Variants in IL20RA observed in about 807,000 individuals in gnomAD.
IL20RA encodes interleukin 20 receptor subunit alpha.
In IL20RA, 29 loss-of-function variants were observed where a neutral mutation model predicts 36.5. The ratio of observed to expected loss-of-function variants is 0.79; its 90% CI spans 0.59 to 1.08. The LOEUF (loss-of-function observed/expected upper bound fraction) is 1.08, where lower values mean the gene tolerates loss of function less well. Ranked by LOEUF, IL20RA falls within the 50% of genes least tolerant of loss-of-function variation. The probability of loss-of-function intolerance (pLI) is 0.00; values close to 1 mark genes in which losing one functional copy is unlikely to be tolerated. For synonymous variants in IL20RA, 279 were observed against 267.1 expected, an observed-to-expected ratio of 1.04 and a Z score of -0.43; for missense variants, 652 against 668.4, an observed-to-expected ratio of 0.98 and a Z score of 0.27.
chr6:137,033,013 G>A (rs1224880978), intron 1 of IL20RA, among the ~76,000 whole-genome samples: 2 of 152,186 alleles, frequency 1.3e-5, no homozygotes, highest in Admixed American at 1.3e-4. Context: ...AAGAGTCCAA[G>A]TCCCTTGTAT....
intron 2 of IL20RA, among the ~76,000 whole-genome samples, 164 bp from the exon 3 acceptor site, chr6:137,011,616 T>G (rs184335342): frequency 1.3e-5 from 2 of 152,330 alleles, no homozygotes; most frequent in South Asian, 4.1e-4. Context: ...GGTGGGCAAT[T>G]TTTTTCATCA....
intron 1 of IL20RA, among the ~76,000 whole-genome samples, chr6:137,030,084 T>TTTTG (rs1237985636): frequency 1.7e-5 from 2 of 119,620 alleles, no homozygotes; most frequent in Admixed American, 1.8e-4. Context: ...TTTTTTTTTT[T>TTTTG]TTTTTTTTTT....
Position 137,044,705 on chromosome 6 carries a change from G to T in IL20RA, c.24C>A (p.Ala8=). 2.5e-6 allele frequency: 3 copies of T among 1,221,060 alleles called. No homozygotes were observed. The highest frequency in any genetic ancestry group is 3.1e-6 in the Non-Finnish European group (3 of 981,512). 75.6% of individuals were successfully genotyped at this position (1,221,060 alleles called of 1,614,324 possible). A position where few individuals can be genotyped will look rare whatever the true frequency, so the allele number is the denominator to read the frequency against. The stretch of plus-strand genomic sequence containing the variant: ...GCGGCGGCAGCGGCAGCGGCCGCAG[G>T]GCCGGGCGGCCGGGAGCCCGCATGG... MRAPGRP[A]LRPLPLPPLL... is the part of the protein sequence containing the mutation. Residue 8 remains alanine (A), a synonymous_variant, in exon 1 of 7, where the codon GCC becomes GCA. Transcript: ENST00000316649.
rs546498607 is a variant in IL20RA at position 137,024,093 on chromosome 6, A to AAAAAC, written c.89-6995_89-6991dup. ...TGGGTGGCAGAGTGAGACTCTATCT[A>AAAAAC]AAAACAAAACAAAACAAAACAAAAC... On this transcript the variant is annotated intron_variant, in intron 1 of 6. Coordinates refer to ENST00000316649, the MANE Select transcript of IL20RA (RefSeq NM_014432.4). 2.5e-3 allele frequency among the ~76,000 whole-genome samples: 388 copies of AAAAAC among 152,298 alleles called. 1 individual carries two copies. Among genetic ancestry groups the AAAAAC allele is most frequent in the Middle Eastern group, 0.01 (3 of 294 alleles).
chr6:137,032,817 T>C (rs1776345848), intron 1 of IL20RA, among the ~76,000 whole-genome samples: 1 of 152,126 alleles, frequency 6.6e-6, no homozygotes, highest in Non-Finnish European at 1.5e-5. Context: ...TCGGACCTCT[T>C]CAAGGCTGAA....
At chr6:137,043,999 G>A in intron 1 of IL20RA, 2 of 632,836 alleles carry the variant, frequency 3.2e-6, no homozygotes, top group Non-Finnish European at 3.9e-6. Flanking sequence ...CGAGTTAAAA[G>A]TTTTGTTATT....
chr6:137,025,410 T>G (rs1268708045), intron 1 of IL20RA, among the ~76,000 whole-genome samples: 1 of 152,232 alleles, frequency 6.6e-6, no homozygotes, highest in Non-Finnish European at 1.5e-5. Context: ...TGCCTTGATC[T>G]TGGACTTCCC....
intron 1 of IL20RA, among the ~76,000 whole-genome samples, chr6:137,022,598 T>C (rs962944895): frequency 6.6e-6 from 1 of 152,190 alleles, no homozygotes; most frequent in Admixed American, 6.5e-5. Flanking sequence ...ATGGGTTGAA[T>C]TGTGTTCCTC....
At chr6:137,038,770 A>C (rs914464375) in intron 1 of IL20RA, among the ~76,000 whole-genome samples, 1 of 152,156 alleles carries the variant, frequency 6.6e-6, no homozygotes, top group Non-Finnish European at 1.5e-5. Context: ...ACACCTGGTA[A>C]AATTGTACTT....
intron 5 of IL20RA, among the ~76,000 whole-genome samples, chr6:137,008,328 C>T (rs1018598847): frequency 3.9e-5 from 6 of 152,164 alleles, no homozygotes; most frequent in Non-Finnish European, 8.8e-5. Flanking sequence ...ATTCACAAGG[C>T]AGGTGGCCGA....
chr6:137,011,518 C>A, intron 2 of IL20RA, 66 bp from the exon 3 acceptor site: 5 of 1,086,722 alleles, frequency 4.6e-6, no homozygotes, highest in South Asian at 2.4e-5. Context: ...AAAACTCAGT[C>A]ATTTTATAAA....
At chr6:137,033,166 CTA>C (rs1776359801) in intron 1 of IL20RA, among the ~76,000 whole-genome samples, 1 of 152,198 alleles carries the variant, frequency 6.6e-6, no homozygotes, top group South Asian at 2.1e-4. Context: ...TTCTAGAAAA[CTA>C]TGTTTCATTG....
chr6:137,001,657 G>A lies in IL20RA; in HGVS notation c.1563C>T (p.Leu521=), dbSNP rs747454638. ...GCCTGTCTGGAGCCGGCTCCTCATAGAGTCTAGATAGAAGACCCTCCTCTC... is the reference window on the plus strand; with the variant it reads ...GCCTGTCTGGAGCCGGCTCCTCATAAAGTCTAGATAGAAGACCCTCCTCTC... ...GLGEEGLLSR[L]YEEPAPDRPP... is the part of the protein sequence containing the mutation. Residue 521 remains leucine (L), a synonymous_variant, in exon 7 of 7, where the codon CTC becomes CTT. Transcript: ENST00000316649. 1.9e-6 allele frequency: 3 copies of A among 1,614,028 alleles called. No individual in the cohort carries two copies. The highest frequency in any genetic ancestry group is 3.3e-5 in the Admixed American group (2 of 59,988).
At chr6:137,035,955 T>C in intron 1 of IL20RA, among the ~76,000 whole-genome samples, 1 of 152,130 alleles carries the variant, frequency 6.6e-6, no homozygotes, top group Non-Finnish European at 1.5e-5. Context: ...AGGGAGAGGA[T>C]TTCTCAGGGC....
At chr6:137,036,328 G>C (rs904806346) in intron 1 of IL20RA, among the ~76,000 whole-genome samples, 2 of 152,156 alleles carry the variant, frequency 1.3e-5, no homozygotes, top group Admixed American at 6.5e-5. Flanking sequence ...GTGATGAGTT[G>C]AATTGTGTTG....
Position 137,001,434 on chromosome 6 carries a change from G to T in IL20RA, c.*124C>A. The T allele has an allele frequency of 1.2e-6, 1 of 823,770 alleles. No homozygotes were observed. The highest frequency in any genetic ancestry group is 1.9e-6 in the Non-Finnish European group (1 of 516,526). The allele number at this position is 823,770 out of a possible 1,614,324, so 51.0% of individuals were successfully genotyped here. On this transcript the variant is annotated 3_prime_UTR_variant, in exon 7 of 7. Coordinates refer to ENST00000316649, the MANE Select transcript of IL20RA (RefSeq NM_014432.4). Reference sequence around the variant, plus strand: ...CTATGAGAATAGAGAAAAGAAATAAGTAATTCTCACAGACACTGACAAACT... The same window carrying T: ...CTATGAGAATAGAGAAAAGAAATAATTAATTCTCACAGACACTGACAAACT...
intron 1 of IL20RA, among the ~76,000 whole-genome samples, chr6:137,039,870 G>C (rs1247464620): frequency 1.3e-5 from 2 of 152,068 alleles, no homozygotes; most frequent in Non-Finnish European, 2.9e-5. Context: ...ACTAGCATGA[G>C]GGGGAACCCA....
chr6:137,044,335 C>G (rs1448987842), intron 1 of IL20RA: 1 of 1,057,780 alleles, frequency 9.5e-7, no homozygotes, highest in Non-Finnish European at 1.1e-6. Context: ...CTGTGGGCAC[C>G]GCGCAGAGCG....
chr6:137,010,204 A>G (rs1354125848), intron 3 of IL20RA, among the ~76,000 whole-genome samples: 1 of 152,200 alleles, frequency 6.6e-6, no homozygotes, highest in Admixed American at 6.5e-5. Flanking sequence ...TAGAACAGAG[A>G]CCAGGCGACT....
Sources: allele counts gnomAD v4.1 joint callset (sites outside exome capture counted in the v4.1 genomes callset), GRCh38; gene constraint gnomAD v4.1.1; transcripts MANE v1.5; gene names NCBI Gene and HGNC (gene_info 2026-07-23, HGNC 2026-07-21).